The following SIRT5 variants were observed in gnomAD, a reference collection of about 807,000 sequenced individuals.
The protein encoded by SIRT5 is sirtuin 5, also known as NAD-dependent protein deacylase sirtuin-5, mitochondrial.
SIRT5 carries 26 observed loss-of-function variants against 40.0 expected under a neutral mutation model. That is an observed-to-expected ratio of 0.65 (90% CI 0.48 to 0.90). The LOEUF (loss-of-function observed/expected upper bound fraction) is 0.90. SIRT5 is among the 40% of genes least tolerant of loss of function. The pLI is 0.00. For synonymous variants in SIRT5, 146 were observed against 149.1 expected (o/e 0.98, Z 0.15); for missense variants, 401 against 402.4 (o/e 1.00, Z 0.03).
chr6:13,591,773 C>T lies in SIRT5; in HGVS notation c.354C>T (p.His118=). The change falls in exon 5 of 10, where the codon CAC becomes CAT. Residue 118 remains histidine, a synonymous_variant. Transcript: ENST00000606117. ...GGAGCAAGGAGCCCAACGCCGGGCA[C>T]CGCGCCATAGCCGAGTGTGAGACCC... ...VMGSKEPNAG[H]RAIAECETRL... 3 of 1,614,020 alleles carry T rather than the reference C, an allele frequency of 1.9e-6. No homozygotes were observed. Among genetic ancestry groups the T allele is most frequent in the Non-Finnish European group, 2.5e-6 (3 of 1,179,918 alleles).
intron 5 of SIRT5, among the ~76,000 whole-genome samples, chr6:13,594,267 G>T (rs1761300802): frequency 6.6e-6 from 1 of 152,238 alleles, no homozygotes; most frequent in South Asian, 2.1e-4. Flanking sequence ...CATCTGGCCA[G>T]TAGCAATTGT....
Position 13,595,539 on chromosome 6 carries a change from A to C in SIRT5, c.538A>C (p.Ile180Leu), listed in dbSNP as rs372612782. Residue 180 changes from isoleucine (I) to leucine (L), a missense_variant, in exon 6 of 10, where the codon ATT (isoleucine) becomes CTT (leucine). Coordinates refer to ENST00000606117, the MANE Select transcript of SIRT5 (RefSeq NM_012241.5). The stretch of plus-strand genomic sequence containing the variant: ...TGTGGCTGAGAATTACAAGAGTCCA[A>C]TTTGTCCAGCTTTATCAGGAAAAGG... ...GVVAENYKSPICPALSGKGAP... is the reference protein window; with the variant it reads ...GVVAENYKSPLCPALSGKGAP... The C allele has an allele frequency of 6.2e-7, 1 of 1,614,018 alleles. No homozygotes were observed. Among genetic ancestry groups the C allele is most frequent in the East Asian group, 2.2e-5 (1 of 44,880 alleles).
chr6:13,606,012 TAAACA>T (rs1763052757), intron 9 of SIRT5, among the ~76,000 whole-genome samples: 1 of 152,236 alleles, frequency 6.6e-6, no homozygotes, highest in Non-Finnish European at 1.5e-5. Flanking sequence ...GATATATCAG[TAAACA>T]AAACAAATAT....
upstream of SIRT5, chr6:13,574,538 A>G (rs1758312127): frequency 8.6e-6 from 1 of 115,684 alleles, no homozygotes; most frequent in Non-Finnish European, 1.8e-5. Context: ...GATGTGGGGG[A>G]TGGTGGGTGG....
intron 3 of SIRT5, chr6:13,584,884 C>T (rs763463457): frequency 1.3e-5 from 2 of 152,240 alleles, no homozygotes; most frequent in East Asian, 3.8e-4. Flanking sequence ...TGCAGCTCTA[C>T]CTGGCAAAAA....
intron 2 of SIRT5, among the ~76,000 whole-genome samples, chr6:13,582,763 T>C (rs1483105746): frequency 2.6e-5 from 4 of 152,222 alleles, no homozygotes; most frequent in Non-Finnish European, 2.9e-5. Context: ...TGTTTTCTTT[T>C]TATAAAATTC....
chr6:13,605,517 A>G (rs944426591), intron 9 of SIRT5: 7 of 985,346 alleles, frequency 7.1e-6, no homozygotes, highest in Admixed American at 6.1e-5. Context: ...GGATCTCACA[A>G]GACACCTTAG....
chr6:13,579,661 G>A (rs1487249043), intron 2 of SIRT5, 52 bp downstream of exon 2: 2 of 152,178 alleles, frequency 1.3e-5, no homozygotes, highest in Non-Finnish European at 2.9e-5. Flanking sequence ...CAGCATATAA[G>A]AAGCTTTTAG....
intron 8 of SIRT5, among the ~76,000 whole-genome samples, chr6:13,600,058 G>C (rs543253488): frequency 6.6e-6 from 1 of 152,162 alleles, no homozygotes; most frequent in African/African-American, 2.4e-5. Context: ...TTCAAATTTT[G>C]ATAGTTTAAT....
intron 9 of SIRT5, chr6:13,604,652 A>G: frequency 4.9e-6 from 7 of 1,423,380 alleles, no homozygotes; most frequent in South Asian, 1.6e-5. Context: ...GCAGGGGCCC[A>G]GCATCCCTTG....
At position 13,613,878 on chromosome 6, in the gene SIRT5, A is replaced by G. The variant is rs572732663; in HGVS notation, c.*2013A>G. The G allele has an allele frequency of 9.2e-5, 14 of 152,280 alleles. No homozygotes were observed. The East Asian group carries it at 2.7e-3, about 29-fold the overall frequency. The allele number at this position is 152,280 out of a possible 1,614,324, so 9.4% of individuals were successfully genotyped here. A position where few individuals can be genotyped will look rare whatever the true frequency, so the allele number is the denominator to read the frequency against. ...TAGTGTTAGTGTCTCAGGGAGTCTGATTATATTTTTGATTTGTAATTTCTA... is the reference window on the plus strand; with the variant it reads ...TAGTGTTAGTGTCTCAGGGAGTCTGGTTATATTTTTGATTTGTAATTTCTA... On this transcript the variant is annotated 3_prime_UTR_variant, in exon 10 of 10. Transcript: ENST00000606117.
chr6:13,577,616 A>C (rs962479230), intron 1 of SIRT5, among the ~76,000 whole-genome samples: 41 of 149,594 alleles, frequency 2.7e-4, no homozygotes, highest in African/African-American at 9.7e-4. Flanking sequence ...TCTTATATAT[A>C]GAAATCTCAT....
At chr6:13,598,994 C>G in intron 7 of SIRT5, 38 bp from the exon 8 acceptor site, 2 of 1,609,462 alleles carry the variant, frequency 1.2e-6, no homozygotes, top group South Asian at 2.2e-5. Context: ...GCTGGGCAGA[C>G]TTGGCTCGGG....
intron 9 of SIRT5, among the ~76,000 whole-genome samples, chr6:13,608,373 G>T (rs1763392584): frequency 1.3e-5 from 2 of 152,114 alleles, no homozygotes. Context: ...ATCACTTGAG[G>T]CCAGGAGTTC....
Position 13,591,935 on chromosome 6 carries a change from A to G in SIRT5, c.475+41A>G, listed in dbSNP as rs201488017. On this transcript the variant is annotated intron_variant, in intron 5 of 9. Coordinates refer to ENST00000606117, the MANE Select transcript of SIRT5 (RefSeq NM_012241.5). ...CCTCCCATTCAGGGAACCAGCTTTA[A>G]AACACCTGTCCTGCTGTTTCAGCAT... is the stretch of plus-strand genomic sequence containing the variant. 1,990 of 1,572,922 alleles carry G rather than the reference A, an allele frequency of 1.3e-3. 1 individual carries two copies. The highest frequency in any genetic ancestry group is 1.6e-3 in the Non-Finnish European group (1,858 of 1,146,798).
At chr6:13,580,945 G>A (rs988835655) in intron 2 of SIRT5, among the ~76,000 whole-genome samples, 2 of 152,200 alleles carry the variant, frequency 1.3e-5, no homozygotes, top group East Asian at 1.9e-4. Flanking sequence ...ACAGGTGTGT[G>A]CCACCATGGC....
chr6:13,582,174 A>G (rs936466175), intron 2 of SIRT5, among the ~76,000 whole-genome samples: 1 of 152,210 alleles, frequency 6.6e-6, no homozygotes, highest in Non-Finnish European at 1.5e-5. Context: ...TCCAAACAAT[A>G]TATAAACACA....
chr6:13,588,223 C>A, intron 3 of SIRT5, 108 bp from the exon 4 acceptor site: 1 of 1,362,248 alleles, frequency 7.3e-7, no homozygotes, highest in Non-Finnish European at 1.0e-6. Context: ...GTTTGTTTAT[C>A]TTAAAGTATA....
rs1763231446 is a variant in SIRT5 at position 13,607,204 on chromosome 6, A to AG, written c.858-4581dup. 6.6e-6 allele frequency among the ~76,000 whole-genome samples: 1 copy of AG among 152,132 alleles called. No individual in the cohort carries two copies. Among genetic ancestry groups the AG allele is most frequent in the Non-Finnish European group, 1.5e-5 (1 of 68,014 alleles). ...CTAGACTTCCTGAATCAGAATTTCT[A>AG]GGGGGAAGATGCCTGTTTATCTGTG... On this transcript the variant is annotated intron_variant, in intron 9 of 9. Coordinates refer to ENST00000606117, the MANE Select transcript of SIRT5 (RefSeq NM_012241.5). The surrounding 1 kb of genome is among the most constrained non-coding windows in gnomAD (Gnocchi z 4.0).
Sources: gnomAD v4.1 joint callset for allele counts (sites outside exome capture counted in the v4.1 genomes callset) on GRCh38, gnomAD v4.1.1 for gene constraint, Gnocchi (gnomAD v3.1) non-coding constraint, MANE v1.5 for transcripts, NCBI Gene and HGNC (gene_info 2026-07-23, HGNC 2026-07-21) for gene names.